Variants in PCDHA6 observed in about 807,000 individuals in gnomAD.
PCDHA6 encodes protocadherin alpha 6, also known as protocadherin alpha-6.
Under a neutral mutation model 60.3 loss-of-function variants are expected in PCDHA6, and 55 were observed. That is an observed-to-expected ratio of 0.91 (90% confidence interval 0.73 to 1.14). PCDHA6 has a LOEUF of 1.14. PCDHA6 is among the 50% of genes most tolerant of loss of function. PCDHA6 has a pLI of 0.00. For missense variants in PCDHA6, 1,327 were observed against 1,256.5 expected (o/e 1.06, Z -0.85); for synonymous variants, 652 against 557.9 (o/e 1.17, Z -2.38).
At chr5:140,867,282 C>T (rs921833641) in intron 1 of PCDHA6, 6 of 152,010 alleles carry the variant, frequency 3.9e-5, no homozygotes, top group African/African-American at 7.2e-5. Flanking sequence ...ACCTGATGTG[C>T]TTCAAATATC....
chr5:140,925,721 T>C lies in PCDHA6; in HGVS notation c.2395-53228T>C, dbSNP rs1360748997. Among the ~76,000 whole-genome samples the C allele has an allele frequency of 3.3e-5, 5 of 151,692 alleles. No individual in the cohort carries two copies. In the East Asian group the frequency reaches 7.7e-4, roughly 23 times the overall value. ...AGCCTATTCTTATCCTGCCTCATGG[T>C]GTTTTCTAAATATTTACAGAAAGAA... On this transcript the variant is annotated intron_variant, in intron 1 of 3. Transcript: ENST00000529310.
At chr5:140,911,299 T>A (rs1583781432) in intron 1 of PCDHA6, among the ~76,000 whole-genome samples, 1 of 152,154 alleles carries the variant, frequency 6.6e-6, no homozygotes, top group Non-Finnish European at 1.5e-5. Flanking sequence ...CTTTTACATA[T>A]CCCCATTCCA....
At chr5:140,883,502 G>T in intron 1 of PCDHA6, 1 of 1,614,160 alleles carries the variant, frequency 6.2e-7, no homozygotes, top group Non-Finnish European at 8.5e-7. Context: ...GCTGGACAGC[G>T]CCCTGGACCG....
chr5:140,966,260 A>C, intron 1 of PCDHA6: 1 of 339,990 alleles, frequency 2.9e-6, no homozygotes, highest in Admixed American at 4.8e-5. Context: ...GACGGTGGAG[A>C]CTGGATGAAC....
chr5:140,965,877 G>C (rs1355769719), intron 1 of PCDHA6, among the ~76,000 whole-genome samples: 3 of 152,210 alleles, frequency 2.0e-5, no homozygotes, highest in Non-Finnish European at 4.4e-5. Context: ...CCACTTGGCC[G>C]AGAGCAGAAT....
chr5:140,877,767 C>T, intron 1 of PCDHA6: 1 of 1,614,166 alleles, frequency 6.2e-7, no homozygotes, highest in Non-Finnish European at 8.5e-7. Context: ...AGAGCCCGCC[C>T]AAGACGGACC....
Position 140,927,344 on chromosome 5 carries a change from A to G in PCDHA6, c.2395-51605A>G, listed in dbSNP as rs144568777. 1.0e-4 allele frequency: 168 copies of G among 1,613,994 alleles called. No homozygotes were observed. Among genetic ancestry groups the G allele is most frequent in the Middle Eastern group, 8.2e-4 (5 of 6,062 alleles). On this transcript the variant is annotated intron_variant, in intron 1 of 3. Transcript: ENST00000529310. ...TTTACTCTCCCGAATGCCCAAGATGACGACGAGGGAAGCAATGGGATACTA... is the reference window on the plus strand; with the variant it reads ...TTTACTCTCCCGAATGCCCAAGATGGCGACGAGGGAAGCAATGGGATACTA...
chr5:140,875,033 T>G (rs1377177254), intron 1 of PCDHA6, among the ~76,000 whole-genome samples: 1 of 152,236 alleles, frequency 6.6e-6, no homozygotes, highest in Non-Finnish European at 1.5e-5. Context: ...CTACTGTATT[T>G]GAAAGATTTC....
At chr5:140,921,213 G>C (rs759293646) in intron 1 of PCDHA6, among the ~76,000 whole-genome samples, 2 of 151,378 alleles carry the variant, frequency 1.3e-5, no homozygotes, top group African/African-American at 2.4e-5. Flanking sequence ...GATAATTCAC[G>C]TCTTTTTTGC....
intron 1 of PCDHA6, chr5:140,875,900 C>G (rs1554168051): frequency 1.2e-6 from 2 of 1,614,174 alleles, no homozygotes; most frequent in South Asian, 2.2e-5. Flanking sequence ...GTACCTGTTT[C>G]TGAATCTGCG....
intron 3 of PCDHA6, among the ~76,000 whole-genome samples, chr5:140,991,033 T>C (rs2097428117): frequency 6.6e-6 from 1 of 152,212 alleles, no homozygotes; most frequent in African/African-American, 2.4e-5. Context: ...ATATGTTGCA[T>C]ACTTAACTTT....
chr5:140,839,229 TTTTTATTGCTTTGC>T (rs2150295605), intron 1 of PCDHA6, among the ~76,000 whole-genome samples: 8 of 151,928 alleles, frequency 5.3e-5, no homozygotes, highest in Non-Finnish European at 1.0e-4. Context: ...CTGTAATCTG[TTTTTATTGCTTTGC>T]TTTTATGCTT....
chr5:140,941,202 C>CTTTCTCTCTTT (rs1554213921), intron 1 of PCDHA6, among the ~76,000 whole-genome samples: 1 of 122,742 alleles, frequency 8.1e-6, no homozygotes, highest in African/African-American at 3.0e-5. Flanking sequence ...TTTCTTTCTT[C>CTTTCTCTCTTT]CTTTCTTTCT....
Position 140,843,405 on chromosome 5 carries a change from A to T in PCDHA6, c.2394+12920A>T. On this transcript the variant is annotated intron_variant, in intron 1 of 3. Transcript: ENST00000529310. ...TTGGGTCCGGAAGCGGCGCTGGTGG[A>T]TGTCAACGTGTACCTGATCATCGCC... The T allele has an allele frequency of 1.4e-5, 23 of 1,595,948 alleles. 2 individuals are homozygous for T. The highest frequency in any genetic ancestry group is 2.0e-5 in the Non-Finnish European group (23 of 1,165,558).
chr5:140,828,289 G>A lies in PCDHA6; in HGVS notation c.198G>A (p.Met66Ile). Residue 66 changes from methionine to isoleucine, a missense_variant, in exon 1 of 4, where the codon ATG (methionine) becomes ATA (isoleucine). Met to Ile is a conservative substitution (Grantham distance 10, BLOSUM62 1). Transcript: ENST00000529310. ...LAELVPRLFR[M>I]ASKDREDLLE... ...AGCTGGTGCCGCGCCTGTTCAGGAT[G>A]GCCTCCAAAGACCGCGAGGACCTTC... 6.2e-7 allele frequency: 1 copy of A among 1,614,116 alleles called. No individual in the cohort carries two copies. The highest frequency in any genetic ancestry group is 8.5e-7 in the Non-Finnish European group (1 of 1,180,042).
chr5:140,938,616 A>G (rs1366566018), intron 1 of PCDHA6, among the ~76,000 whole-genome samples: 1 of 152,130 alleles, frequency 6.6e-6, no homozygotes, highest in Non-Finnish European at 1.5e-5. Flanking sequence ...TCTTGGAATA[A>G]ACTCAGGTTG....
intron 1 of PCDHA6, among the ~76,000 whole-genome samples, chr5:140,942,119 A>T (rs1180591078): frequency 6.6e-6 from 1 of 152,242 alleles, no homozygotes; most frequent in African/African-American, 2.4e-5. Context: ...AACTTTATTA[A>T]AGGTGATATT....
At chr5:140,833,801 A>G (rs146837800) in intron 1 of PCDHA6, among the ~76,000 whole-genome samples, 1 of 152,242 alleles carries the variant, frequency 6.6e-6, no homozygotes, top group South Asian at 2.1e-4. Flanking sequence ...CAATCAGTAG[A>G]TTCTTGAGAT....
chr5:140,965,496 A>ATT lies in PCDHA6; in HGVS notation c.2395-13439_2395-13438dup, dbSNP rs71766133. On this transcript the variant is annotated intron_variant, in intron 1 of 3. Coordinates refer to ENST00000529310, the MANE Select transcript of PCDHA6 (RefSeq NM_018909.4). Reference sequence around the variant, plus strand: ...CCCACATTTTGCTTAATGACAGCAGATTTTTTTTTTTTTTTAACTGCAAAG... The same window carrying ATT: ...CCCACATTTTGCTTAATGACAGCAGATTTTTTTTTTTTTTTTTAACTGCAAAG... Among the ~76,000 whole-genome samples the ATT allele has an allele frequency of 3.3e-3, 482 of 146,482 alleles. 3 individuals are homozygous for ATT. The highest frequency in any genetic ancestry group is 0.011 in the African/African-American group (455 of 40,032).
Sources: allele counts gnomAD v4.1 joint callset (sites outside exome capture counted in the v4.1 genomes callset), GRCh38; gene constraint gnomAD v4.1.1; transcripts MANE v1.5; gene names NCBI Gene and HGNC (gene_info 2026-07-23, HGNC 2026-07-21).